Variants in CEP250 observed in about 807,000 individuals in gnomAD.
CEP250 encodes centrosome-associated protein CEP250.
In CEP250, 242 loss-of-function variants were observed where a neutral mutation model predicts 315.7. That is an observed-to-expected ratio of 0.77 (90% CI 0.69 to 0.85). CEP250 has a LOEUF of 0.85. Ranked by LOEUF, CEP250 falls within the 40% of genes least tolerant of loss-of-function variation. CEP250 has a pLI of 0.00. For missense variants in CEP250, 2,515 were observed against 2,886.4 expected (o/e 0.87, Z 2.95); for synonymous variants, 1,088 against 1,175.0 (o/e 0.93, Z 1.51).
At chr20:35,477,128 A>G (rs139444606) in intron 16 of CEP250, among the ~76,000 whole-genome samples, 3,432 of 152,138 alleles carry the variant, frequency 0.023, 144 homozygotes, top group African/African-American at 0.078. Flanking sequence ...CTCTTGCCTC[A>G]GCCTCCTGAA....
intron 7 of CEP250, 129 bp from the exon 8 acceptor site, chr20:35,466,836 AC>A: frequency 1.6e-6 from 1 of 637,558 alleles, no homozygotes; most frequent in African/African-American, 1.8e-5. Flanking sequence ...CTGGATAGAT[AC>A]CCATTCATAA....
At chr20:35,484,411 A>T (rs1390032704) in intron 20 of CEP250, among the ~76,000 whole-genome samples, 1 of 152,132 alleles carries the variant, frequency 6.6e-6, no homozygotes, top group Non-Finnish European at 1.5e-5. Flanking sequence ...TGTGGTTATG[A>T]ATTTTCAGAG....
rs758694575 is a variant in CEP250 at position 35,476,125 on chromosome 20, G to A, written c.1717-324G>A. On this transcript the variant is annotated intron_variant, in intron 15 of 34. Coordinates refer to ENST00000397527, the MANE Select transcript of CEP250 (RefSeq NM_007186.6). ...TCATCTCTCAGTACACAACTTAATC[G>A]TCAACTCCTCTACCAAGCATATTTG... The A allele has an allele frequency of 4.4e-4, 108 of 244,052 alleles. 2 individuals are homozygous for A. Among genetic ancestry groups the A allele is most frequent in the Non-Finnish European group, 3.7e-4 (46 of 124,450 alleles). The allele number at this position is 244,052 out of a possible 1,614,324, so 15.1% of individuals were successfully genotyped here.
chr20:35,497,736 A>G lies in CEP250; in HGVS notation c.3324A>G (p.Gln1108=). Residue 1108 remains glutamine, a synonymous_variant, in exon 26 of 35, where the codon CAA becomes CAG. Coordinates refer to ENST00000397527, the MANE Select transcript of CEP250 (RefSeq NM_007186.6). ...ELSAQMELLR[Q]EVKEKEADFL... ...CTTGACAGATGGAATTACTAAGGCA[A>G]GAGGTGAAGGAAAAGGAGGCTGACT... The G allele has an allele frequency of 6.4e-7, 1 of 1,554,314 alleles. No individual in the cohort carries two copies.
intron 24 of CEP250, 43 bp downstream of exon 24, chr20:35,494,700 T>C (rs2063789464): frequency 6.2e-7 from 1 of 1,609,744 alleles, no homozygotes; most frequent in South Asian, 1.1e-5. Flanking sequence ...TCTATCTGGC[T>C]GCCATGGTCA....
Position 35,472,092 on chromosome 20 carries a change from A to G in CEP250, c.991A>G (p.Ser331Gly). The G allele has an allele frequency of 6.2e-7, 1 of 1,613,320 alleles. No homozygotes were observed. The change falls in exon 11 of 35, where the codon AGT becomes GGT. Residue 331 changes from serine (S) to glycine (G), a missense_variant. Coordinates refer to ENST00000397527, the MANE Select transcript of CEP250 (RefSeq NM_007186.6). ...TELMEHEASL[S>G]RNAQEEKLSL... ...ATTAATGGAACATGAAGCATCTCTT[A>G]GTAGGAATGCGCAAGAGGAGAAGTT...
intron 16 of CEP250, among the ~76,000 whole-genome samples, chr20:35,476,839 A>T (rs1220396231): frequency 1.3e-5 from 2 of 152,112 alleles, no homozygotes; most frequent in South Asian, 2.1e-4. Context: ...CTCTGGAAGG[A>T]AGACTAGGTT....
At chr20:35,463,034 C>T (rs1601117271) in intron 4 of CEP250, among the ~76,000 whole-genome samples, 1 of 152,184 alleles carries the variant, frequency 6.6e-6, no homozygotes, top group East Asian at 1.9e-4. Context: ...ATATAAAAGG[C>T]ATATAGAAAG....
chr20:35,464,507 C>G (rs1460075167), intron 5 of CEP250, among the ~76,000 whole-genome samples: 1 of 152,186 alleles, frequency 6.6e-6, no homozygotes. Context: ...GACACAGGGT[C>G]TCTCTATGTT....
intron 30 of CEP250, among the ~76,000 whole-genome samples, chr20:35,505,827 G>A (rs1239103767): frequency 6.6e-6 from 1 of 152,108 alleles, no homozygotes; most frequent in East Asian, 1.9e-4. Context: ...CCGGAAGACA[G>A]CAGGGGCCAC....
chr20:35,499,939 T>A (rs2063954875), intron 27 of CEP250, 110 bp from the exon 28 acceptor site: 1 of 1,390,480 alleles, frequency 7.2e-7, no homozygotes, highest in Non-Finnish European at 1.0e-6. Context: ...TGGGAGTAGG[T>A]CCACAATGGC....
At chr20:35,505,209 CAG>C (rs1277708035) in intron 30 of CEP250, among the ~76,000 whole-genome samples, 1 of 152,210 alleles carries the variant, frequency 6.6e-6, no homozygotes. Flanking sequence ...CCTGCCCTCA[CAG>C]AGTTCACAGT....
At chr20:35,475,091 C>T (rs185137856) in intron 14 of CEP250, among the ~76,000 whole-genome samples, 3 of 152,124 alleles carry the variant, frequency 2.0e-5, no homozygotes, top group East Asian at 1.9e-4. Context: ...GTAGCCATGG[C>T]AAGGTGAGAT....
At chr20:35,493,356 C>T in intron 22 of CEP250, 73 bp from the exon 23 acceptor site, 2 of 1,373,212 alleles carry the variant, frequency 1.5e-6, no homozygotes, top group South Asian at 1.6e-5. Context: ...TCAGCTTTTG[C>T]CACCCCACCA....
chr20:35,473,671 C>G, intron 13 of CEP250, 119 bp downstream of exon 13: 1 of 1,158,906 alleles, frequency 8.6e-7, no homozygotes, highest in Admixed American at 2.8e-5. Context: ...CCTTGAGACT[C>G]AGGGCTGTTT....
intron 15 of CEP250, 130 bp from the exon 16 acceptor site, chr20:35,476,319 A>G (rs181919870): frequency 2.2e-5 from 17 of 781,044 alleles, no homozygotes; most frequent in African/African-American, 1.0e-4. Flanking sequence ...AAACTTGTTT[A>G]GAATGCAGGA....
intron 30 of CEP250, among the ~76,000 whole-genome samples, chr20:35,507,319 A>C (rs1217660258): frequency 6.6e-6 from 1 of 152,174 alleles, no homozygotes; most frequent in Admixed American, 6.5e-5. Context: ...TAAATGAGGA[A>C]ATTGGGGTTT....
At chr20:35,469,135 C>T (rs1177215822) in intron 9 of CEP250, among the ~76,000 whole-genome samples, 2 of 151,994 alleles carry the variant, frequency 1.3e-5, no homozygotes, top group Non-Finnish European at 2.9e-5. Context: ...CATAGTGAGA[C>T]CTTGTCTCTA....
intron 5 of CEP250, among the ~76,000 whole-genome samples, chr20:35,464,925 GAAAAGAAA>G (rs2062837407): frequency 2.6e-5 from 4 of 151,718 alleles, no homozygotes; most frequent in African/African-American, 9.7e-5. Flanking sequence ...GTCTCAAAAA[GAAAAGAAA>G]AAAAGAAAAC....
Sources: allele counts gnomAD v4.1 joint callset (sites outside exome capture counted in the v4.1 genomes callset), GRCh38; gene constraint gnomAD v4.1.1; transcripts MANE v1.5; gene names NCBI Gene and HGNC (gene_info 2026-07-23, HGNC 2026-07-21).